ARHGAP24: variants seen among roughly 807,000 people sequenced by gnomAD.
ARHGAP24 encodes the protein rho GTPase-activating protein 24.
Under a neutral mutation model 76.4 loss-of-function variants are expected in ARHGAP24, and 50 were observed. That is an observed-to-expected ratio of 0.65 (90% CI 0.52 to 0.83). The LOEUF (loss-of-function observed/expected upper bound fraction) is 0.83. ARHGAP24 is among the 40% of genes least tolerant of loss of function. The pLI, the probability that ARHGAP24 is intolerant of heterozygous loss-of-function variation, is 0.00. For synonymous variants in ARHGAP24, 345 were observed against 323.3 expected, an observed-to-expected ratio of 1.07 and a Z score of -0.72; for missense variants, 930 against 914.2, an observed-to-expected ratio of 1.02 and a Z score of -0.22.
At chr4:85,569,559 C>T (rs114492502) in intron 1 of ARHGAP24, among the ~76,000 whole-genome samples, 1,896 of 152,306 alleles carry the variant, frequency 0.012, 16 homozygotes, top group Non-Finnish European at 0.019. Context: ...TGGCCGTATA[C>T]TCCTTCACAC....
At chr4:85,659,151 GAAGCATATAATGCTGTTCTCTACAACA>G (rs368688315) in intron 2 of ARHGAP24, among the ~76,000 whole-genome samples, 2 of 152,160 alleles carry the variant, frequency 1.3e-5, no homozygotes, top group African/African-American at 2.4e-5. Flanking sequence ...AATATCCTAT[GAAGCATATAATGCTGTTCTCTACAACA>G]AAGAATTGTC....
In ARHGAP24 at chr4:85,875,756, A is replaced by G. The variant is rs1732893056; in HGVS notation, c.269-47892A>G. ...TATATATTTTTGGTTGTGGGGGAGA[A>G]CAGAATACAGAATATCGCTCTGTTG... On this transcript the variant is annotated intron_variant, in intron 3 of 9. Transcript: ENST00000395184. Among the ~76,000 whole-genome samples the G allele has an allele frequency of 2.1e-5, 3 of 143,940 alleles. No individual in the cohort carries two copies. In the Admixed American group the frequency reaches 2.2e-4, roughly 10 times the overall value. 94.4% of individuals were successfully genotyped at this position (143,940 alleles called of 152,430 possible).
chr4:85,813,626 A>G lies in ARHGAP24; in HGVS notation c.268+91654A>G, dbSNP rs1260518694. Among the ~76,000 whole-genome samples the G allele has an allele frequency of 5.3e-5, 8 of 151,934 alleles. No individual in the cohort carries two copies. In the East Asian group the frequency reaches 1.5e-3, roughly 29 times the overall value. On this transcript the variant is annotated intron_variant, in intron 3 of 9. Coordinates refer to ENST00000395184, the MANE Select transcript of ARHGAP24 (RefSeq NM_001025616.3). ...ACTTTTTGTTACTTATGAAAAAATA[A>G]TTTTATTTGATTTTTATATTTTCTT...
chr4:85,765,023 T>C (rs12508919), intron 3 of ARHGAP24, among the ~76,000 whole-genome samples: 25,827 of 152,058 alleles, frequency 0.17, 3,031 homozygotes, highest in East Asian at 0.66. Flanking sequence ...GAGGTTTGTC[T>C]GTGTCTGCTT....
rs1389913986 is a variant in ARHGAP24, at chr4:85,767,476, T to A, written c.268+45504T>A. 2.6e-5 allele frequency among the ~76,000 whole-genome samples: 4 copies of A among 152,122 alleles called. No homozygotes were observed. In the South Asian group the frequency reaches 8.3e-4, roughly 32 times the overall value. On this transcript the variant is annotated intron_variant, in intron 3 of 9. Transcript: ENST00000395184. ...TATTACATACCCTAAAATTACAGCATGCTTTATGGAATTGCTGTGGAAGAG... is the reference window on the plus strand; with the variant it reads ...TATTACATACCCTAAAATTACAGCAAGCTTTATGGAATTGCTGTGGAAGAG...
intron 3 of ARHGAP24, among the ~76,000 whole-genome samples, chr4:85,816,806 G>T (rs1729260749): frequency 6.6e-6 from 1 of 152,040 alleles, no homozygotes; most frequent in Non-Finnish European, 1.5e-5. Context: ...TGGGCCAAAT[G>T]GTAATTCTAT....
intron 2 of ARHGAP24, among the ~76,000 whole-genome samples, chr4:85,670,030 G>A (rs1394552398): frequency 1.3e-5 from 2 of 151,868 alleles, no homozygotes; most frequent in Non-Finnish European, 2.9e-5. Flanking sequence ...GCTGTGGAAA[G>A]GAATTTTTAT....
chr4:85,538,247 G>T (rs1725547180), intron 1 of ARHGAP24, among the ~76,000 whole-genome samples: 1 of 152,120 alleles, frequency 6.6e-6, no homozygotes, highest in East Asian at 1.9e-4. Flanking sequence ...AAGAAAGGAA[G>T]TAGAAAATTA....
At chr4:85,890,061 A>T (rs186526624) in intron 3 of ARHGAP24, among the ~76,000 whole-genome samples, 113 of 152,254 alleles carry the variant, frequency 7.4e-4, no homozygotes, top group Non-Finnish European at 1.8e-4. Flanking sequence ...GGGTTGTAGG[A>T]AAGCAAAGAT....
chr4:85,716,946 C>T (rs1276026503), intron 2 of ARHGAP24, among the ~76,000 whole-genome samples: 6 of 151,978 alleles, frequency 3.9e-5, no homozygotes, highest in Admixed American at 1.3e-4. Context: ...TCTGACATCC[C>T]GAAGTAGCCT....
intron 3 of ARHGAP24, among the ~76,000 whole-genome samples, chr4:85,865,821 T>A (rs1732169206): frequency 6.6e-6 from 1 of 151,984 alleles, no homozygotes; most frequent in Non-Finnish European, 1.5e-5. Context: ...ACCATTTTTT[T>A]AAAGTTAGCT....
At chr4:85,705,406 GAATAT>G (rs1403504003) in intron 2 of ARHGAP24, among the ~76,000 whole-genome samples, 11 of 152,274 alleles carry the variant, frequency 7.2e-5, no homozygotes, top group African/African-American at 2.6e-4. Context: ...TTACTTGAAT[GAATAT>G]AATATGACTT....
At chr4:85,958,947 T>G (rs1738081067) in intron 5 of ARHGAP24, among the ~76,000 whole-genome samples, 1 of 152,188 alleles carries the variant, frequency 6.6e-6, no homozygotes, top group South Asian at 2.1e-4. Flanking sequence ...TCACTTAACA[T>G]AATGTTTTTG....
chr4:85,824,694 A>T (rs1341840062), intron 3 of ARHGAP24, among the ~76,000 whole-genome samples: 1 of 152,236 alleles, frequency 6.6e-6, no homozygotes, highest in Non-Finnish European at 1.5e-5. Context: ...CCAAGAGGAA[A>T]AAAAAACAAC....
At chr4:85,482,042 T>G (rs1341387096) in intron 1 of ARHGAP24, among the ~76,000 whole-genome samples, 1 of 152,182 alleles carries the variant, frequency 6.6e-6, no homozygotes, top group Non-Finnish European at 1.5e-5. Context: ...TCTTTGATTG[T>G]TTCATTTTGT....
At chr4:85,649,171 A>G (rs762709961) in intron 2 of ARHGAP24, among the ~76,000 whole-genome samples, 1 of 152,088 alleles carries the variant, frequency 6.6e-6, no homozygotes, top group Non-Finnish European at 1.5e-5. Context: ...TTTACCAAAC[A>G]TTTAATCTGT....
chr4:85,707,183 A>G (rs775136907), intron 2 of ARHGAP24, among the ~76,000 whole-genome samples: 32 of 152,134 alleles, frequency 2.1e-4, no homozygotes, highest in Admixed American at 5.2e-4. Context: ...AAACTGATTG[A>G]TAGGATTACA....
At chr4:85,538,836 G>T (rs951898293) in intron 1 of ARHGAP24, among the ~76,000 whole-genome samples, 1 of 152,092 alleles carries the variant, frequency 6.6e-6, no homozygotes, top group East Asian at 1.9e-4. Flanking sequence ...GTCATCAATA[G>T]CTTCTGAGCT....
intron 2 of ARHGAP24, among the ~76,000 whole-genome samples, chr4:85,622,949 T>A (rs951686374): frequency 1.3e-5 from 2 of 151,986 alleles, no homozygotes; most frequent in African/African-American, 4.8e-5. Context: ...GGGTTGTTTG[T>A]TTTTTTCTTG....
Sources: allele counts gnomAD v4.1 joint callset (sites outside exome capture counted in the v4.1 genomes callset), GRCh38; gene constraint gnomAD v4.1.1; transcripts MANE v1.5; gene names NCBI Gene and HGNC (gene_info 2026-07-23, HGNC 2026-07-21).